The following CSMD1 variants were observed in gnomAD, a reference collection of about 807,000 sequenced individuals.
CSMD1 encodes the protein CUB and sushi domain-containing protein 1.
CSMD1 carries 213 observed loss-of-function variants against 417.5 expected under a neutral mutation model. That is an observed-to-expected ratio of 0.51 (90% CI 0.46 to 0.57). CSMD1 has a LOEUF of 0.57. Ranked by LOEUF, CSMD1 falls within the 20% of genes least tolerant of loss-of-function variation. CSMD1 has a pLI of 0.00. For synonymous variants in CSMD1, 2,862 were observed against 1,736.8 expected (o/e 1.65, Z -16.11); for missense variants, 6,923 against 4,529.7 (o/e 1.53, Z -15.17).
intron 10 of CSMD1, among the ~76,000 whole-genome samples, chr8:3,558,440 C>G (rs890735954): frequency 6.7e-6 from 1 of 150,276 alleles, no homozygotes; most frequent in Non-Finnish European, 1.5e-5. Context: ...GTGTCCACTC[C>G]TGCAATGATG....
intron 4 of CSMD1, among the ~76,000 whole-genome samples, chr8:4,006,077 T>C (rs555576390): frequency 1.3e-5 from 2 of 152,310 alleles, no homozygotes; most frequent in East Asian, 3.9e-4. Flanking sequence ...AGGAAGAGCA[T>C]TCCCAACAGA....
intron 3 of CSMD1, among the ~76,000 whole-genome samples, chr8:4,111,315 G>A (rs941490642): frequency 1.3e-5 from 2 of 152,128 alleles, no homozygotes; most frequent in East Asian, 1.9e-4. Flanking sequence ...GATGGCTGAA[G>A]AAAGAATCTG....
intron 5 of CSMD1, among the ~76,000 whole-genome samples, chr8:3,957,762 A>G (rs1398466653): frequency 6.6e-6 from 1 of 152,116 alleles, no homozygotes; most frequent in Non-Finnish European, 1.5e-5. Context: ...AAAAGTATGA[A>G]TATCTATTTT....
Position 4,083,550 on chromosome 8 carries a change from G to C in CSMD1, c.416-51451C>G, listed in dbSNP as rs1268250147. ...GAAATAATGCCGCATATTTACAACT[G>C]TCTGATCTTTGACAAACCTGACAAA... On this transcript the variant is annotated intron_variant, in intron 3 of 69. Coordinates refer to ENST00000635120, the MANE Select transcript of CSMD1 (RefSeq NM_033225.6). 3.3e-5 allele frequency among the ~76,000 whole-genome samples: 5 copies of C among 152,118 alleles called. No homozygotes were observed. In the East Asian group the frequency reaches 9.7e-4, roughly 29 times the overall value.
intron 9 of CSMD1, among the ~76,000 whole-genome samples, chr8:3,583,560 A>G (rs1431554211): frequency 1.3e-5 from 2 of 152,052 alleles, no homozygotes; most frequent in East Asian, 1.9e-4. Context: ...GTTGCAGGCC[A>G]TGTGTCCAAG....
At chr8:3,789,308 T>C (rs1385360910) in intron 5 of CSMD1, among the ~76,000 whole-genome samples, 7 of 152,054 alleles carry the variant, frequency 4.6e-5, no homozygotes, top group African/African-American at 1.7e-4. Flanking sequence ...TTATATTTAT[T>C]GTGACAGCCC....
At chr8:3,765,723 C>T (rs1798230073) in intron 5 of CSMD1, among the ~76,000 whole-genome samples, 2 of 152,316 alleles carry the variant, frequency 1.3e-5, no homozygotes, top group South Asian at 4.1e-4. Flanking sequence ...TGCAGCCTTG[C>T]AGGTGGGGGC....
At chr8:3,624,886 G>C (rs142144591) in intron 7 of CSMD1, among the ~76,000 whole-genome samples, 1 of 152,108 alleles carries the variant, frequency 6.6e-6, no homozygotes, top group Non-Finnish European at 1.5e-5. Context: ...TGATTTGCAG[G>C]AGGTTTATAT....
chr8:3,510,264 C>G (rs1797008279), intron 10 of CSMD1, among the ~76,000 whole-genome samples: 1 of 151,856 alleles, frequency 6.6e-6, no homozygotes, highest in Non-Finnish European at 1.5e-5. Flanking sequence ...CGTCCCTTGC[C>G]TGCAGCCCAG....
At chr8:4,071,291 T>G (rs1799543215) in intron 3 of CSMD1, among the ~76,000 whole-genome samples, 1 of 152,158 alleles carries the variant, frequency 6.6e-6, no homozygotes, top group Non-Finnish European at 1.5e-5. Context: ...TCAGTCTTAT[T>G]TTCTCTATAT....
At chr8:4,175,818 A>C (rs967594157) in intron 3 of CSMD1, among the ~76,000 whole-genome samples, 1 of 152,172 alleles carries the variant, frequency 6.6e-6, no homozygotes, top group African/African-American at 2.4e-5. Flanking sequence ...GCATATATAA[A>C]AGTATGCAGA....
At chr8:4,002,859 G>A (rs560256416) in intron 4 of CSMD1, among the ~76,000 whole-genome samples, 3 of 152,278 alleles carry the variant, frequency 2.0e-5, no homozygotes, top group Middle Eastern at 6.8e-3. Context: ...ATGTTTGAAT[G>A]TATTAAATAA....
chr8:4,217,178 C>T (rs543123691), intron 3 of CSMD1, among the ~76,000 whole-genome samples: 226 of 152,218 alleles, frequency 1.5e-3, no homozygotes, highest in Middle Eastern at 3.4e-3. Context: ...CTTTTCATGC[C>T]GCTGCTTATC....
chr8:3,657,183 T>A (rs750514744), intron 7 of CSMD1, among the ~76,000 whole-genome samples: 1 of 152,194 alleles, frequency 6.6e-6, no homozygotes, highest in Non-Finnish European at 1.5e-5. Flanking sequence ...TACAGGAAGA[T>A]GCTGCAGGAT....
At chr8:3,317,186 T>A (rs545377668) in intron 23 of CSMD1, among the ~76,000 whole-genome samples, 2 of 152,136 alleles carry the variant, frequency 1.3e-5, no homozygotes, top group Non-Finnish European at 2.9e-5. Flanking sequence ...ATGATTCTGA[T>A]CTTCTCATAG....
At chr8:3,357,725 C>T (rs143861557) in intron 21 of CSMD1, among the ~76,000 whole-genome samples, 2,268 of 152,178 alleles carry the variant, frequency 0.015, 62 homozygotes, top group African/African-American at 0.052. Context: ...CTTTAGACTC[C>T]AACCAATTCT....
At chr8:3,704,412 A>T (rs1801050244) in intron 7 of CSMD1, among the ~76,000 whole-genome samples, 1 of 152,168 alleles carries the variant, frequency 6.6e-6, no homozygotes, top group Non-Finnish European at 1.5e-5. Context: ...AAACAAATCC[A>T]CAGTTATACA....
chr8:4,168,498 T>C (rs1421137002), intron 3 of CSMD1, among the ~76,000 whole-genome samples: 1 of 152,046 alleles, frequency 6.6e-6, no homozygotes, highest in Non-Finnish European at 1.5e-5. Context: ...AAAAGGGCTC[T>C]AACATGCAAC....
chr8:4,276,079 T>G (rs2128855705), intron 3 of CSMD1, among the ~76,000 whole-genome samples: 1 of 152,320 alleles, frequency 6.6e-6, no homozygotes, highest in Non-Finnish European at 1.5e-5. Context: ...CTTAAGGATC[T>G]AGAACTTGAA....
Sources: allele counts gnomAD v4.1 joint callset (sites outside exome capture counted in the v4.1 genomes callset), GRCh38; gene constraint gnomAD v4.1.1; transcripts MANE v1.5; gene names NCBI Gene and HGNC (gene_info 2026-07-23, HGNC 2026-07-21).